The following RBL1 variants were observed in gnomAD, a reference collection of about 807,000 sequenced individuals.
The protein encoded by RBL1 is RB transcriptional corepressor like 1, also known as retinoblastoma-like protein 1.
Under a neutral mutation model 123.0 loss-of-function variants are expected in RBL1, and 82 were observed. The ratio of observed to expected loss-of-function variants is 0.67; its 90% CI spans 0.56 to 0.80. The LOEUF (loss-of-function observed/expected upper bound fraction) is 0.80, where lower values mean the gene tolerates loss of function less well. RBL1 is among the 30% of genes least tolerant of loss of function. The pLI is 0.00. For synonymous variants in RBL1, 405 were observed against 441.3 expected, an observed-to-expected ratio of 0.92 and a Z score of 1.03; for missense variants, 1,171 against 1,299.6, an observed-to-expected ratio of 0.90 and a Z score of 1.52.
At chr20:37,032,956 TATAC>T in intron 15 of RBL1, 80 bp from the exon 16 acceptor site, 1 of 1,543,802 alleles carries the variant, frequency 6.5e-7, no homozygotes, top group Non-Finnish European at 8.7e-7. Context: ...GACAATTATA[TATAC>T]ATATATCTGT....
At chr20:37,027,840 G>A (rs2064450293) in intron 16 of RBL1, among the ~76,000 whole-genome samples, 1 of 152,104 alleles carries the variant, frequency 6.6e-6, no homozygotes, top group Non-Finnish European at 1.5e-5. Flanking sequence ...CTGCAGCCTC[G>A]AAATCATGGG....
intron 16 of RBL1, among the ~76,000 whole-genome samples, chr20:37,027,132 G>T (rs1292838002): frequency 1.3e-5 from 2 of 151,854 alleles, no homozygotes; most frequent in Non-Finnish European, 2.9e-5. Flanking sequence ...GATCGCTTGA[G>T]CCCAGGAGTT....
intron 1 of RBL1, among the ~76,000 whole-genome samples, chr20:37,090,834 CAT>C (rs572532393): frequency 8.7e-4 from 133 of 152,148 alleles, no homozygotes; most frequent in African/African-American, 3.0e-3. Context: ...ACACAGAAAA[CAT>C]ATAGTAAAAA....
intron 9 of RBL1, among the ~76,000 whole-genome samples, chr20:37,059,263 G>A (rs894757730): frequency 1.3e-5 from 2 of 152,178 alleles, no homozygotes; most frequent in Non-Finnish European, 2.9e-5. Context: ...GCTGGAGATT[G>A]TTCTGTCTAC....
At chr20:37,087,243 G>A (rs1027864611) in intron 2 of RBL1, among the ~76,000 whole-genome samples, 1 of 152,064 alleles carries the variant, frequency 6.6e-6, no homozygotes, top group African/African-American at 2.4e-5. Context: ...GCTGAGGCAG[G>A]AGAATCGCTT....
intron 18 of RBL1, among the ~76,000 whole-genome samples, chr20:37,020,261 G>C (rs1444338920): frequency 6.6e-6 from 1 of 151,818 alleles, no homozygotes; most frequent in African/African-American, 2.4e-5. Flanking sequence ...GCTAATTTTT[G>C]TATTTTTAGT....
At chr20:37,012,545 AC>A (rs896650065) in intron 19 of RBL1, among the ~76,000 whole-genome samples, 7 of 88,368 alleles carry the variant, frequency 7.9e-5, no homozygotes, top group African/African-American at 3.1e-4. Context: ...GAGCGCCTCT[AC>A]CCGGCCGCGA....
In RBL1 at chr20:37,025,868, G is replaced by A. The variant is rs1304442538; in HGVS notation, c.2383-3042C>T. Among the ~76,000 whole-genome samples the A allele has an allele frequency of 2.0e-5, 3 of 151,342 alleles. No homozygotes were observed. In the Admixed American group the frequency reaches 2.0e-4, roughly 10 times the overall value. On this transcript the variant is annotated intron_variant, in intron 16 of 21. Transcript: ENST00000373664. The stretch of plus-strand genomic sequence containing the variant: ...CGCCATTCTCCTGCTTCAGCCTCCC[G>A]AGTAGCTAGGACTACAGGTGCCTGC...
chr20:37,056,370 T>TTC, intron 9 of RBL1, 112 bp from the exon 10 acceptor site: 1 of 1,288,852 alleles, frequency 7.8e-7, no homozygotes, highest in Non-Finnish European at 1.0e-6. Flanking sequence ...TTTTTTTTTT[T>TTC]TTGAGACGGA....
intron 19 of RBL1, among the ~76,000 whole-genome samples, chr20:37,012,914 TG>T (rs1449152052): frequency 8.6e-6 from 1 of 116,826 alleles, no homozygotes; most frequent in South Asian, 2.9e-4. Context: ...GGGAGGGAGG[TG>T]GGGGGTTCAG....
intron 2 of RBL1, among the ~76,000 whole-genome samples, chr20:37,071,170 C>T (rs531145656): frequency 1.3e-5 from 2 of 152,154 alleles, no homozygotes; most frequent in South Asian, 2.1e-4. Context: ...GCTGGGATTA[C>T]AGGCATGAAC....
chr20:37,022,833 T>C lies in RBL1; in HGVS notation c.2383-7A>G, dbSNP rs762696172. The C allele has an allele frequency of 1.2e-6, 2 of 1,600,110 alleles. No individual in the cohort carries two copies. The highest frequency in any genetic ancestry group is 8.5e-7 in the Non-Finnish European group (1 of 1,171,676). ...CACTTGCCAAATGATAGACCTAAAATAGAAGGTAACACATTGATGCAAAAC... is the reference window on the plus strand; with the variant it reads ...CACTTGCCAAATGATAGACCTAAAACAGAAGGTAACACATTGATGCAAAAC... On this transcript the variant is annotated splice_polypyrimidine_tract_variant and splice_region_variant and intron_variant, in intron 16 of 21. Transcript: ENST00000373664.
intron 19 of RBL1, among the ~76,000 whole-genome samples, chr20:37,014,509 G>A (rs1009037073): frequency 8.6e-5 from 13 of 151,906 alleles, no homozygotes; most frequent in African/African-American, 2.4e-4. Context: ...GTTAATAACC[G>A]TATGTAAGGC....
Position 37,089,117 on chromosome 20 carries a change from T to C in RBL1, c.162A>G (p.Glu54=). The C allele has an allele frequency of 6.3e-7, 1 of 1,598,688 alleles. No individual in the cohort carries two copies. Among genetic ancestry groups the C allele is most frequent in the Non-Finnish European group, 8.5e-7 (1 of 1,172,458 alleles). Residue 54 remains glutamate, a synonymous_variant, in exon 2 of 22, where the codon GAA becomes GAG. Coordinates refer to ENST00000373664, the MANE Select transcript of RBL1 (RefSeq NM_002895.5). ...AIRGNYSLEG[E]VTHWLACSLY... is the part of the protein sequence containing the mutation. ...ATGAACATGCCAACCAGTGTGTAAC[T>C]TCTCCCTGGCAAGCAAAAGACAAAC... is the stretch of plus-strand genomic sequence containing the variant.
At chr20:37,069,300 T>A (rs576489712) in intron 2 of RBL1, among the ~76,000 whole-genome samples, 7 of 145,340 alleles carry the variant, frequency 4.8e-5, no homozygotes, top group Non-Finnish European at 9.1e-5. Flanking sequence ...TGGCCGCCCA[T>A]CGTCTGGGAT....
chr20:37,058,114 CT>C (rs1568865519), intron 9 of RBL1, among the ~76,000 whole-genome samples: 30 of 104,832 alleles, frequency 2.9e-4, no homozygotes, highest in East Asian at 2.2e-3. Flanking sequence ...GAAACTCTGT[CT>C]AAAAAAAAAA....
At chr20:37,034,870 A>T (rs1293256581) in intron 15 of RBL1, among the ~76,000 whole-genome samples, 1 of 152,142 alleles carries the variant, frequency 6.6e-6, no homozygotes, top group Non-Finnish European at 1.5e-5. Context: ...ACATGTCATT[A>T]TACGTTCTCA....
Position 37,022,626 on chromosome 20 carries a change from C to T in RBL1, c.2559+24G>A, listed in dbSNP as rs192255652. 3.6e-5 allele frequency: 57 copies of T among 1,581,280 alleles called. No homozygotes were observed. In the African/African-American group the frequency reaches 6.2e-4, roughly 17 times the overall value. Reference sequence around the variant, plus strand: ...ATACGTGTGAGCCACCATGCCCAGCCTCTTCTCCCAATTTATACATTACCT... The same window carrying T: ...ATACGTGTGAGCCACCATGCCCAGCTTCTTCTCCCAATTTATACATTACCT... On this transcript the variant is annotated intron_variant, in intron 17 of 21. Coordinates refer to ENST00000373664, the MANE Select transcript of RBL1 (RefSeq NM_002895.5).
In RBL1 at chr20:36,998,622, G is replaced by T. The variant is rs748010705; in HGVS notation, c.*137C>A. 1 of 705,918 alleles carries T rather than the reference G, an allele frequency of 1.4e-6. No homozygotes were observed. The highest frequency in any genetic ancestry group is 2.2e-6 in the Non-Finnish European group (1 of 450,686). 43.7% of individuals were successfully genotyped at this position (705,918 alleles called of 1,614,324 possible). On this transcript the variant is annotated 3_prime_UTR_variant, in exon 22 of 22. Transcript: ENST00000373664. ...ACATTTTGGATAAATATTTTAAAAA[G>T]CACATAATTTTTGTGCAATTTTTTC...
Sources: allele counts gnomAD v4.1 joint callset (sites outside exome capture counted in the v4.1 genomes callset), GRCh38; gene constraint gnomAD v4.1.1; transcripts MANE v1.5; gene names NCBI Gene and HGNC (gene_info 2026-07-23, HGNC 2026-07-21).